CEMIP: variants seen among roughly 807,000 people sequenced by gnomAD.
CEMIP encodes cell migration inducing hyaluronidase 1, also known as cell migration-inducing and hyaluronan-binding protein.
A neutral mutation model predicts 156.9 loss-of-function variants in CEMIP; 105 were observed. The ratio of observed to expected loss-of-function variants is 0.67; its 90% CI spans 0.57 to 0.79. The LOEUF (loss-of-function observed/expected upper bound fraction) is 0.79, where lower values mean the gene tolerates loss of function less well. Among genes scored for constraint, CEMIP ranks in the 30% least tolerant of loss-of-function variants. The pLI, the probability that CEMIP is intolerant of heterozygous loss-of-function variation, is 0.00. For synonymous variants in CEMIP, 676 were observed against 668.4 expected (o/e 1.01, Z -0.17); for missense variants, 1,457 against 1,769.4 (o/e 0.82, Z 3.17).
At chr15:80,829,965 G>GTTGT (rs1555428876) in intron 1 of CEMIP, among the ~76,000 whole-genome samples, 23 of 133,792 alleles carry the variant, frequency 1.7e-4, no homozygotes, top group African/African-American at 5.2e-4. Context: ...GGAGGTAGCG[G>GTTGT]GTGTGTGTGT....
intron 1 of CEMIP, among the ~76,000 whole-genome samples, chr15:80,782,152 G>A (rs1895814858): frequency 6.6e-6 from 1 of 152,204 alleles, no homozygotes; most frequent in Non-Finnish European, 1.5e-5. Flanking sequence ...TACTCTCACA[G>A]CCCTCTGGTT....
intron 1 of CEMIP, among the ~76,000 whole-genome samples, chr15:80,799,407 A>ACTCCCACTT (rs1896318389): frequency 6.6e-6 from 1 of 152,042 alleles, no homozygotes; most frequent in Non-Finnish European, 1.5e-5. Context: ...CCACACTGGG[A>ACTCCCACTT]CTCCCACTTG....
In CEMIP at chr15:80,882,757, TACACAC is replaced by T. The variant is rs67853416; in HGVS notation, c.618-1398_618-1393del. Reference sequence around the variant, plus strand: ...AAGATAATAAGCGCATGCACACACATACACACACACACACACACACACACATACACA... The same window carrying T: ...AAGATAATAAGCGCATGCACACACATACACACACACACACACACATACACA... On this transcript the variant is annotated intron_variant, in intron 6 of 29. Coordinates refer to ENST00000394685, the MANE Select transcript of CEMIP (RefSeq NM_001293298.2). Among the ~76,000 whole-genome samples the T allele has an allele frequency of 2.9e-3, 439 of 149,842 alleles. 7 individuals are homozygous for T. The East Asian group carries it at 0.052, about 18-fold the overall frequency.
chr15:80,936,992 C>G (rs1901151633), intron 24 of CEMIP, 107 bp downstream of exon 24: 1 of 1,069,926 alleles, frequency 9.3e-7, no homozygotes, highest in East Asian at 2.4e-5. Flanking sequence ...CCCATGTGAT[C>G]CATGCAGGAG....
intron 1 of CEMIP, among the ~76,000 whole-genome samples, chr15:80,828,032 GT>G (rs1897077363): frequency 6.6e-6 from 1 of 152,120 alleles, no homozygotes; most frequent in Non-Finnish European, 1.5e-5. Flanking sequence ...TTATCAAAGG[GT>G]TAAAAAAAGG....
At chr15:80,935,752 A>G (rs545840440) in intron 23 of CEMIP, among the ~76,000 whole-genome samples, 3 of 152,130 alleles carry the variant, frequency 2.0e-5, no homozygotes, top group African/African-American at 7.2e-5. Flanking sequence ...TTGTTTTGAG[A>G]TGGAGTTTCG....
At chr15:80,918,690 G>C (rs1398109067) in intron 14 of CEMIP, among the ~76,000 whole-genome samples, 3 of 152,116 alleles carry the variant, frequency 2.0e-5, no homozygotes, top group Admixed American at 2.0e-4. Flanking sequence ...GGGGATGAAG[G>C]GTGTAAGATA....
chr15:80,791,113 A>G (rs183853594), intron 1 of CEMIP, among the ~76,000 whole-genome samples: 4 of 152,280 alleles, frequency 2.6e-5, no homozygotes, highest in Admixed American at 2.0e-4. Flanking sequence ...GAGGATTAAA[A>G]AAAAAAAAAG....
intron 1 of CEMIP, among the ~76,000 whole-genome samples, chr15:80,808,412 A>G (rs1241879132): frequency 1.3e-5 from 2 of 152,172 alleles, no homozygotes; most frequent in African/African-American, 2.4e-5. Flanking sequence ...ACTGGCATCA[A>G]CCACCCTCCA....
intron 12 of CEMIP, among the ~76,000 whole-genome samples, chr15:80,898,519 G>A (rs945857438): frequency 2.0e-5 from 3 of 152,206 alleles, no homozygotes; most frequent in Non-Finnish European, 2.9e-5. Flanking sequence ...GCTCCTTTGG[G>A]ACATGCAGGT....
At chr15:80,803,090 A>G (rs1896419610) in intron 1 of CEMIP, among the ~76,000 whole-genome samples, 1 of 152,190 alleles carries the variant, frequency 6.6e-6, no homozygotes, top group Non-Finnish European at 1.5e-5. Flanking sequence ...CACGCTTCTC[A>G]GAGCCCTAAG....
At chr15:80,909,523 A>G (rs1186152545) in intron 14 of CEMIP, 2 of 640,910 alleles carry the variant, frequency 3.1e-6, no homozygotes, top group South Asian at 1.5e-5. Flanking sequence ...CAGAGATGGG[A>G]GAGTGATTAC....
intron 7 of CEMIP, among the ~76,000 whole-genome samples, chr15:80,887,166 T>G (rs1898873327): frequency 6.6e-6 from 1 of 152,222 alleles, no homozygotes. Context: ...AGCCTTTTTT[T>G]GCTTCCCTCC....
At chr15:80,937,011 G>A in intron 24 of CEMIP, 126 bp downstream of exon 24, 1 of 887,588 alleles carries the variant, frequency 1.1e-6, no homozygotes, top group Admixed American at 1.9e-5. Context: ...AGTACCTAGA[G>A]GGGTTGACAT....
At chr15:80,826,328 G>T (rs1443816408) in intron 1 of CEMIP, among the ~76,000 whole-genome samples, 1 of 152,124 alleles carries the variant, frequency 6.6e-6, no homozygotes, top group Non-Finnish European at 1.5e-5. Context: ...CCGCCTTCCT[G>T]GTGCATAGTA....
At position 80,932,828 on chromosome 15, in the gene CEMIP, G is replaced by A. The variant is rs192861228; in HGVS notation, c.2794-417G>A. Among the ~76,000 whole-genome samples the A allele has an allele frequency of 3.5e-4, 53 of 152,304 alleles. No individual in the cohort carries two copies. Among genetic ancestry groups the A allele is most frequent in the Non-Finnish European group, 3.8e-4 (26 of 68,040 alleles). ...TCTTCTCTCGCACACGGATGCCCCC[G>A]TGTATGTGTGTGTGTATGTGTAAAA... On this transcript the variant is annotated intron_variant, in intron 22 of 29. Transcript: ENST00000394685. This position sits in a 1 kb window ranked among gnomAD's most constrained non-coding sequence, Gnocchi z 4.5.
intron 11 of CEMIP, among the ~76,000 whole-genome samples, chr15:80,895,650 T>C (rs1899193324): frequency 6.6e-6 from 1 of 152,134 alleles, no homozygotes; most frequent in African/African-American, 2.4e-5. Context: ...TAGTGGAAAA[T>C]TCCCCCGCCC....
At chr15:80,862,936 G>T (rs1898023708) in intron 1 of CEMIP, among the ~76,000 whole-genome samples, 1 of 152,190 alleles carries the variant, frequency 6.6e-6, no homozygotes, top group South Asian at 2.1e-4. Context: ...TGGGAACTTG[G>T]CTTACCTTTT....
At position 80,925,668 on chromosome 15, in the gene CEMIP, C is replaced by T. The variant is rs1392037907; in HGVS notation, c.2333C>T (p.Pro778Leu). ...QDADPLKPRE[P>L]AIIRHFIAYK... The stretch of plus-strand genomic sequence containing the variant: ...GCCGACCCGCTGAAGCCCCGGGAGC[C>T]GGCCATCATCAGACACTTCATTGCC... Residue 778 changes from proline (P) to leucine (L), a missense_variant, in exon 19 of 30, where the codon CCG becomes CTG. Pro to Leu is a moderately conservative substitution (Grantham distance 98). Coordinates refer to ENST00000394685, the MANE Select transcript of CEMIP (RefSeq NM_001293298.2). 3.7e-6 allele frequency: 6 copies of T among 1,613,616 alleles called. No homozygotes were observed. The African/African-American group carries it at 4.0e-5, about 11-fold the overall frequency.
Sources: gnomAD v4.1 joint callset for allele counts (sites outside exome capture counted in the v4.1 genomes callset) on GRCh38, gnomAD v4.1.1 for gene constraint, Gnocchi (gnomAD v3.1) non-coding constraint, MANE v1.5 for transcripts, NCBI Gene and HGNC (gene_info 2026-07-23, HGNC 2026-07-21) for gene names.